TMEM130: variants seen among roughly 807,000 people sequenced by gnomAD.
The protein encoded by TMEM130 is transmembrane protein 130.
TMEM130 carries 37 observed loss-of-function variants against 42.9 expected under a neutral mutation model. The ratio of observed to expected loss-of-function variants is 0.86; its 90% CI spans 0.66 to 1.13. The LOEUF (loss-of-function observed/expected upper bound fraction) is 1.13. TMEM130 is among the 50% of genes most tolerant of loss of function. The pLI is 0.00. For synonymous variants in TMEM130, 259 were observed against 237.7 expected (o/e 1.09, Z -0.82); for missense variants, 545 against 562.6 (o/e 0.97, Z 0.32).
intron 2 of TMEM130, among the ~76,000 whole-genome samples, chr7:98,861,204 A>G (rs1328134801): frequency 6.6e-6 from 1 of 151,132 alleles, no homozygotes; most frequent in Admixed American, 6.6e-5. Context: ...CAGGCATGGT[A>G]GCGGGCACCT....
intron 4 of TMEM130, among the ~76,000 whole-genome samples, chr7:98,855,740 T>C (rs896255148): frequency 2.6e-5 from 4 of 152,128 alleles, no homozygotes; most frequent in African/African-American, 9.7e-5. Context: ...GGGAATGGCA[T>C]GGACTGGCCA....
chr7:98,868,477 C>T (rs1794959150), intron 1 of TMEM130, among the ~76,000 whole-genome samples: 1 of 152,202 alleles, frequency 6.6e-6, no homozygotes, highest in South Asian at 2.1e-4. Context: ...AGTCCTTTCA[C>T]ACAGAATATG....
chr7:98,850,770 T>C (rs1408315931), intron 6 of TMEM130, among the ~76,000 whole-genome samples: 4 of 151,998 alleles, frequency 2.6e-5, no homozygotes, highest in African/African-American at 7.3e-5. Flanking sequence ...GTGAGTTGAG[T>C]AGAGTTACTG....
At chr7:98,863,509 A>AGGC (rs782117216) in intron 1 of TMEM130, 109 bp from the exon 2 acceptor site, 19 of 1,148,408 alleles carry the variant, frequency 1.7e-5, no homozygotes, top group Non-Finnish European at 2.3e-5. Context: ...GGAGAAACTG[A>AGGC]GGCTCAGGCA....
At chr7:98,859,955 G>C (rs551907200) in intron 3 of TMEM130, among the ~76,000 whole-genome samples, 1 of 151,976 alleles carries the variant, frequency 6.6e-6, no homozygotes, top group South Asian at 2.1e-4. Context: ...TGCAGTTCCA[G>C]TTACTGGGGA....
chr7:98,862,995 T>C (rs941494536), intron 2 of TMEM130, 100 bp downstream of exon 2: 2 of 1,316,786 alleles, frequency 1.5e-6, no homozygotes, highest in Admixed American at 4.2e-5. Context: ...CCCCAGAACC[T>C]ACGGGCCTAA....
chr7:98,852,989 T>C (rs1794545958), intron 5 of TMEM130, among the ~76,000 whole-genome samples: 1 of 151,978 alleles, frequency 6.6e-6, no homozygotes, highest in Non-Finnish European at 1.5e-5. Flanking sequence ...GTTTGATGGG[T>C]GAGAAAGGAT....
chr7:98,856,171 C>T lies in TMEM130; in HGVS notation c.564G>A (p.Val188=), dbSNP rs1794629686. 1 of 1,613,780 alleles carries T rather than the reference C, an allele frequency of 6.2e-7. No homozygotes were observed. The highest frequency in any genetic ancestry group is 2.2e-5 in the East Asian group (1 of 44,882). Residue 188 remains valine, a synonymous_variant, in exon 4 of 8, where the codon GTG becomes GTA. Transcript: ENST00000339375. Reference sequence around the variant, plus strand: ...TATAATAGACCACGGAGTCTTCAGTCACCATCTGGGTCCTGTTAGGAGACA... The same window carrying T: ...TATAATAGACCACGGAGTCTTCAGTTACCATCTGGGTCCTGTTAGGAGACA... ...SWDFGDGTQM[V]TEDSVVYYNY... is the part of the protein sequence containing the mutation.
chr7:98,869,805 C>T lies in TMEM130; in HGVS notation c.57G>A (p.Leu19=). Residue 19 remains leucine, a synonymous_variant, in exon 1 of 8, where the codon CTG becomes CTA. Transcript: ENST00000339375. The surrounding 1 kb of genome is among the most constrained non-coding windows in gnomAD (Gnocchi z 4.7). ...CGGCCACCCCTGCCGGGGCCCAGGGCAGGAGGCAGGCAAGCCAGAGGATGC... is the reference window on the plus strand; with the variant it reads ...CGGCCACCCCTGCCGGGGCCCAGGGTAGGAGGCAGGCAAGCCAGAGGATGC... ...LGRILWLACL[L]PWAPAGVAAG... 2.8e-6 allele frequency: 4 copies of T among 1,443,266 alleles called. No homozygotes were observed. The highest frequency in any genetic ancestry group is 3.6e-6 in the Non-Finnish European group (4 of 1,099,138). 89.4% of individuals were successfully genotyped at this position (1,443,266 alleles called of 1,614,324 possible). A position where few individuals can be genotyped will look rare whatever the true frequency, so the allele number is the denominator to read the frequency against.
intron 2 of TMEM130, 58 bp from the exon 3 acceptor site, chr7:98,860,396 A>C (rs782049352): frequency 6.7e-7 from 1 of 1,503,704 alleles, no homozygotes; most frequent in Non-Finnish European, 9.0e-7. Context: ...TCAGGAAACC[A>C]GGTAGAGACT....
At chr7:98,855,433 C>T in intron 4 of TMEM130, 109 bp from the exon 5 acceptor site, 1 of 999,140 alleles carries the variant, frequency 1.0e-6, no homozygotes, top group South Asian at 1.7e-5. Flanking sequence ...CCGTCCCTCT[C>T]CTAAGAGCAG....
In TMEM130 at chr7:98,848,078, G is replaced by C; in HGVS notation, c.1250C>G (p.Ser417Cys). Residue 417 changes from serine to cysteine, a missense_variant, in exon 8 of 8, where the codon TCT becomes TGT. Ser to Cys is a moderately radical substitution (Grantham distance 112). Coordinates refer to ENST00000339375, the MANE Select transcript of TMEM130 (RefSeq NM_152913.3). ...TGCTCACACGGTGTAAGTTTTGACA[G>C]ACTTATAGAGGGGCGGGAGCAGCCC... is the stretch of plus-strand genomic sequence containing the variant. ...NHGLLPPLYKSVKTYTV is the reference protein window; with the variant it reads ...NHGLLPPLYKCVKTYTV 1 of 1,614,026 alleles carries C rather than the reference G, an allele frequency of 6.2e-7. No homozygotes were observed. Among genetic ancestry groups the C allele is most frequent in the African/African-American group, 1.3e-5 (1 of 75,026 alleles).
intron 2 of TMEM130, among the ~76,000 whole-genome samples, chr7:98,861,423 A>G (rs1554399775): frequency 6.6e-6 from 1 of 150,936 alleles, no homozygotes; most frequent in African/African-American, 2.4e-5. Flanking sequence ...CTCTAAAAAG[A>G]AAAAAAATTG....
chr7:98,860,456 G>A, intron 2 of TMEM130, 118 bp from the exon 3 acceptor site: 1 of 1,087,968 alleles, frequency 9.2e-7, no homozygotes, highest in Non-Finnish European at 1.3e-6. Flanking sequence ...CCTTCTGGCT[G>A]TCAGAGCTAG....
Position 98,847,883 on chromosome 7 carries a change from G to A in TMEM130, c.*173C>T, listed in dbSNP as rs1794395478. The A allele has an allele frequency of 1.4e-5, 9 of 623,012 alleles. No individual in the cohort carries two copies. The highest frequency in any genetic ancestry group is 6.1e-5 in the Admixed American group (2 of 32,958). 38.6% of individuals were successfully genotyped at this position (623,012 alleles called of 1,614,324 possible). A position where few individuals can be genotyped will look rare whatever the true frequency, so the allele number is the denominator to read the frequency against. On this transcript the variant is annotated 3_prime_UTR_variant, in exon 8 of 8. Coordinates refer to ENST00000339375, the MANE Select transcript of TMEM130 (RefSeq NM_152913.3). ...GATGGGTGAATGGCTGGGGTCAGGG[G>A]TGACAGAGAGGGAGGGGCTTGTGGC...
intron 1 of TMEM130, among the ~76,000 whole-genome samples, chr7:98,863,792 T>C (rs1444877879): frequency 1.3e-5 from 2 of 150,924 alleles, no homozygotes; most frequent in Non-Finnish European, 3.0e-5. Context: ...CCCTCCTCTC[T>C]TTTTTCTTTC....
At chr7:98,861,648 A>G (rs1794773895) in intron 2 of TMEM130, among the ~76,000 whole-genome samples, 1 of 152,086 alleles carries the variant, frequency 6.6e-6, no homozygotes, top group Non-Finnish European at 1.5e-5. Context: ...TGGGAGGTGG[A>G]GGTTGCAGTG....
Position 98,869,830 on chromosome 7 carries a change from C to A in TMEM130, c.32G>T (p.Arg11Leu). The A allele has an allele frequency of 6.9e-7, 1 of 1,444,332 alleles. No homozygotes were observed. The highest frequency in any genetic ancestry group is 9.1e-7 in the Non-Finnish European group (1 of 1,099,820). The allele number at this position is 1,444,332 out of a possible 1,614,324, so 89.5% of individuals were successfully genotyped here. A position where few individuals can be genotyped will look rare whatever the true frequency, so the allele number is the denominator to read the frequency against. Residue 11 changes from arginine to leucine, a missense_variant, in exon 1 of 8, where the codon CGC (arginine) becomes CTC (leucine). By Grantham distance (102) the Arg-to-Leu change is moderately radical. Transcript: ENST00000339375. The surrounding 1 kb of genome is among the most constrained non-coding windows in gnomAD (Gnocchi z 4.7). MAQAVWSRLG[R>L]ILWLACLLPW... ...CAGGAGGCAGGCAAGCCAGAGGATG[C>A]GGCCGAGGCGCGACCACACTGCCTG...
At position 98,848,041 on chromosome 7, in the gene TMEM130, G is replaced by C. The variant is rs1180778678; in HGVS notation, c.*15C>G. ...CAGTCAGTTAACACTGAGATGGGGT[G>C]GGGAGGGGGAGTGCTCACACGGTGT... is the stretch of plus-strand genomic sequence containing the variant. On this transcript the variant is annotated 3_prime_UTR_variant, in exon 8 of 8. Coordinates refer to ENST00000339375, the MANE Select transcript of TMEM130 (RefSeq NM_152913.3). The C allele has an allele frequency of 6.2e-7, 1 of 1,607,706 alleles. No individual in the cohort carries two copies. Among genetic ancestry groups the C allele is most frequent in the African/African-American group, 1.3e-5 (1 of 74,852 alleles).
Sources: allele counts gnomAD v4.1 joint callset (sites outside exome capture counted in the v4.1 genomes callset), GRCh38; gene constraint gnomAD v4.1.1; non-coding constraint Gnocchi (gnomAD v3.1); transcripts MANE v1.5; gene names NCBI Gene and HGNC (gene_info 2026-07-23, HGNC 2026-07-21).